Variants in SEPTIN6 observed in about 807,000 individuals in gnomAD.
SEPTIN6 encodes the protein septin 6, also known as septin-6.
Under a neutral mutation model 33.6 loss-of-function variants are expected in SEPTIN6, and 8 were observed. The ratio of observed to expected loss-of-function variants is 0.24; its 90% CI spans 0.14 to 0.43. SEPTIN6 has a LOEUF of 0.43. Ranked by LOEUF, SEPTIN6 falls within the 20% of genes least tolerant of loss-of-function variation. The pLI, the probability that SEPTIN6 is intolerant of heterozygous loss-of-function variation, is 1.00. For synonymous variants in SEPTIN6, 131 were observed against 140.0 expected (o/e 0.94, Z 0.45); for missense variants, 250 against 340.8 (o/e 0.73, Z 2.10).
At chrX:119,656,161 G>C in intron 3 of SEPTIN6, among the ~76,000 whole-genome samples, 1 of 112,001 alleles carries the variant, frequency 8.9e-6, no homozygotes, top group South Asian at 3.7e-4. Flanking sequence ...TTTTGAGAAT[G>C]AGCCCATAGG....
intron 1 of SEPTIN6, among the ~76,000 whole-genome samples, chrX:119,687,388 C>T (rs1367025623): frequency 9.1e-6 from 1 of 109,534 alleles, no homozygotes; most frequent in African/African-American, 3.3e-5. Context: ...GTAGCTGGGA[C>T]TACAGGCACC....
At chrX:119,682,425 T>C (rs1292951649) in intron 1 of SEPTIN6, among the ~76,000 whole-genome samples, 9 of 111,323 alleles carry the variant, frequency 8.1e-5, no homozygotes, top group Admixed American at 7.7e-4. Context: ...GAAAGAGTGC[T>C]CCTGAGAACT....
intron 5 of SEPTIN6, among the ~76,000 whole-genome samples, chrX:119,648,335 CAGA>C (rs1166562803): frequency 1.8e-5 from 2 of 111,060 alleles, no homozygotes; most frequent in African/African-American, 6.6e-5. Context: ...CATCAGTGTT[CAGA>C]AGGTCTCTAT....
Position 119,675,575 on chromosome X carries a change from A to T in SEPTIN6, c.124T>A (p.Cys42Ser). 1 of 1,160,891 alleles carries T rather than the reference A, an allele frequency of 8.6e-7. No homozygotes were observed. The highest frequency in any genetic ancestry group is 1.2e-6 in the Non-Finnish European group (1 of 864,523). Reference protein sequence around the residue: ...LVNKSVSQGFCFNILCVGETG... With the variant: ...LVNKSVSQGFSFNILCVGETG... ...TCACCCACGCACAGGATGTTGAAGCAGAAGCCCTGGCTGACGGACTTATTC... is the reference window on the plus strand; with the variant it reads ...TCACCCACGCACAGGATGTTGAAGCTGAAGCCCTGGCTGACGGACTTATTC... Residue 42 changes from cysteine (C) to serine (S), a missense_variant, in exon 2 of 11, where the codon TGC becomes AGC. Physicochemically the swap from Cys to Ser is moderately radical, Grantham distance 112 (BLOSUM62 -1). Around this residue, in one of 2 missense-constraint regions of SEPTIN6, gnomAD observed 111 missense variants for 113.8 expected, o/e 0.98. Transcript: ENST00000394610.
intron 10 of SEPTIN6, among the ~76,000 whole-genome samples, chrX:119,623,540 A>G (rs894496940): frequency 8.9e-6 from 1 of 112,178 alleles, no homozygotes; most frequent in Non-Finnish European, 1.9e-5. Context: ...GTTTAAAAAA[A>G]ATAATAATAA....
At chrX:119,661,671 A>T (rs2054549565) in intron 3 of SEPTIN6, among the ~76,000 whole-genome samples, 1 of 110,127 alleles carries the variant, frequency 9.1e-6, no homozygotes, top group African/African-American at 3.3e-5. Flanking sequence ...ACCTGACCCC[A>T]CCCCTCATCA....
intron 5 of SEPTIN6, among the ~76,000 whole-genome samples, chrX:119,641,259 AC>A: frequency 9.0e-6 from 1 of 111,477 alleles, no homozygotes; most frequent in South Asian, 3.7e-4. Flanking sequence ...CTGAGACCAC[AC>A]AGCCAACTGA....
chrX:119,677,325 G>GGGCCTT (rs2054857804), intron 1 of SEPTIN6, among the ~76,000 whole-genome samples: 6 of 112,371 alleles, frequency 5.3e-5, no homozygotes, highest in Non-Finnish European at 1.1e-4. Flanking sequence ...AGGAGCCAGG[G>GGGCCTT]GGAAGCATAA....
intron 1 of SEPTIN6, among the ~76,000 whole-genome samples, chrX:119,685,836 G>A (rs2055046648): frequency 9.0e-6 from 1 of 111,576 alleles, no homozygotes; most frequent in African/African-American, 3.3e-5. Flanking sequence ...TCAATGCGGT[G>A]GAAGGCACTC....
At chrX:119,636,035 G>T (rs1386643641) in intron 7 of SEPTIN6, among the ~76,000 whole-genome samples, 1 of 111,616 alleles carries the variant, frequency 9.0e-6, no homozygotes, top group Admixed American at 9.5e-5. Context: ...GAAAGCTGCA[G>T]GTGGGGAAGA....
chrX:119,619,978 T>C lies in SEPTIN6; in HGVS notation c.*115A>G. ...GGTTGGATTGTATGCCCCCCAGGCA[T>C]GTTAAGGGGGAAATTAGAGAAAGGG... On this transcript the variant is annotated 3_prime_UTR_variant, in exon 11 of 11. Coordinates refer to ENST00000394610, the MANE Select transcript of SEPTIN6 (RefSeq NM_145799.4). 8.3e-7 allele frequency: 1 copy of C among 1,201,879 alleles called. No homozygotes were observed. Among genetic ancestry groups the C allele is most frequent in the Non-Finnish European group, 1.1e-6 (1 of 892,227 alleles).
intron 10 of SEPTIN6, among the ~76,000 whole-genome samples, chrX:119,621,059 G>A: frequency 9.5e-6 from 1 of 105,252 alleles, no homozygotes. Flanking sequence ...TCAGGCCACT[G>A]GATAGAGCCC....
intron 5 of SEPTIN6, among the ~76,000 whole-genome samples, chrX:119,649,171 T>G (rs1188853316): frequency 1.1e-5 from 1 of 94,827 alleles, no homozygotes; most frequent in Non-Finnish European, 2.0e-5. Flanking sequence ...CAGGCTGGAG[T>G]GCAATGGCGT....
intron 1 of SEPTIN6, among the ~76,000 whole-genome samples, chrX:119,676,662 T>C (rs1374147024): frequency 9.0e-6 from 1 of 111,002 alleles, no homozygotes; most frequent in Non-Finnish European, 1.9e-5. Flanking sequence ...TCCCAGCTAC[T>C]TGGGAGGCTG....
At chrX:119,670,382 AC>A (rs2054722194) in intron 2 of SEPTIN6, among the ~76,000 whole-genome samples, 1 of 108,211 alleles carries the variant, frequency 9.2e-6, no homozygotes, top group Non-Finnish European at 1.9e-5. Flanking sequence ...ACATGGTGAG[AC>A]CCTGTCTCTA....
chrX:119,640,971 G>A (rs776398019), intron 5 of SEPTIN6, among the ~76,000 whole-genome samples, 183 bp from the exon 6 acceptor site: 24 of 112,470 alleles, frequency 2.1e-4, no homozygotes, highest in Non-Finnish European at 4.1e-4. Flanking sequence ...CCTAGTCCAA[G>A]CCTCTGCTGT....
intron 1 of SEPTIN6, among the ~76,000 whole-genome samples, chrX:119,692,429 C>T (rs892647217): frequency 9.0e-6 from 1 of 111,227 alleles, no homozygotes; most frequent in Non-Finnish European, 1.9e-5. Flanking sequence ...CAGAGAAACA[C>T]GCGGACTTCT....
intron 10 of SEPTIN6, among the ~76,000 whole-genome samples, chrX:119,622,218 A>G (rs2053780169): frequency 8.9e-6 from 1 of 111,955 alleles, no homozygotes; most frequent in Admixed American, 9.5e-5. Context: ...TATACTATCC[A>G]TATACTGTGC....
chrX:119,690,338 TACATACACATACACACACAC>T (rs1266567741), intron 1 of SEPTIN6, among the ~76,000 whole-genome samples: 12 of 67,321 alleles, frequency 1.8e-4, no homozygotes, highest in Admixed American at 7.1e-4. Context: ...ACCCCCCACA[TACATACACATACACACACAC>T]ACACACACAC....
Sources: allele counts gnomAD v4.1 joint callset (sites outside exome capture counted in the v4.1 genomes callset), GRCh38; gene constraint gnomAD v4.1.1; regional missense constraint gnomAD v4.1.1; transcripts MANE v1.5; gene names NCBI Gene and HGNC (gene_info 2026-07-23, HGNC 2026-07-21).